DNAAF1: variants seen among roughly 807,000 people sequenced by gnomAD.
DNAAF1 encodes the protein dynein assembly factor 1, axonemal.
In DNAAF1, 65 loss-of-function variants were observed where a neutral mutation model predicts 71.1. That is an observed-to-expected ratio of 0.91 (90% CI 0.75 to 1.12). The LOEUF is 1.12. Among genes scored for constraint, DNAAF1 ranks in the 50% most tolerant of loss-of-function variants. The pLI is 0.00. For missense variants in DNAAF1, 1,178 were observed against 899.8 expected (o/e 1.31, Z -3.96); for synonymous variants, 414 against 354.6 (o/e 1.17, Z -1.88).
At chr16:84,159,040 A>G (rs536137626) in intron 5 of DNAAF1, 24 of 988,112 alleles carry the variant, frequency 2.4e-5, no homozygotes, top group South Asian at 4.7e-5. Context: ...CCCACTAAGC[A>G]TTAAACTTCT....
chr16:84,164,108 A>G (rs982607855), intron 6 of DNAAF1, among the ~76,000 whole-genome samples: 2 of 152,138 alleles, frequency 1.3e-5, no homozygotes, highest in Admixed American at 6.6e-5. Context: ...TCTGGCCTAG[A>G]CTTTATTTTC....
chr16:84,152,214 G>T (rs561749646), intron 3 of DNAAF1, among the ~76,000 whole-genome samples: 2 of 152,184 alleles, frequency 1.3e-5, no homozygotes, highest in Admixed American at 1.3e-4. Context: ...AACAGCAAAG[G>T]GGGAGGAGAT....
At position 84,161,849 on chromosome 16, in the gene DNAAF1, G is replaced by C. The variant is rs577571562; in HGVS notation, c.863+2053G>C. Among the ~76,000 whole-genome samples, 3 of 152,044 alleles carry C rather than the reference G, an allele frequency of 2.0e-5. No individual in the cohort carries two copies. In the South Asian group the frequency reaches 6.2e-4, roughly 32 times the overall value. ...TTCGGCCTGATTTGATTTCCTTTTA[G>C]GACACATGAGTCTCTGACATATACT... On this transcript the variant is annotated intron_variant, in intron 6 of 11. Transcript: ENST00000378553.
At chr16:84,167,360 G>T (rs2088072347) in intron 7 of DNAAF1, among the ~76,000 whole-genome samples, 1 of 152,090 alleles carries the variant, frequency 6.6e-6, no homozygotes, top group Non-Finnish European at 1.5e-5. Context: ...CAGTTTAGGG[G>T]GTTTTCCAGA....
At chr16:84,169,717 A>C (rs1471788038) in intron 7 of DNAAF1, 142 bp from the exon 8 acceptor site, 4 of 1,224,634 alleles carry the variant, frequency 3.3e-6, no homozygotes, top group Non-Finnish European at 4.7e-6. Flanking sequence ...CACCGCGCCC[A>C]GCCCCTTGAG....
chr16:84,159,867 T>C (rs1567548096), intron 6 of DNAAF1, 71 bp downstream of exon 6: 3 of 1,570,552 alleles, frequency 1.9e-6, no homozygotes, highest in Admixed American at 1.7e-5. Context: ...TTAAACTTTT[T>C]AAATTTCTGA....
chr16:84,176,081 C>T lies in DNAAF1; in HGVS notation c.1847C>T (p.Ala616Val), dbSNP rs374900685. The T allele has an allele frequency of 3.4e-5, 55 of 1,614,044 alleles. No individual in the cohort carries two copies. The South Asian group carries it at 4.2e-4, about 12-fold the overall frequency. The change falls in exon 11 of 12, where the codon GCG (alanine) becomes GTG (valine). Residue 616 changes from alanine to valine, a missense_variant. Transcript: ENST00000378553. ...IFAVSKDTSK[A>V]ARVPFTDIFK... ...GCAGTCTCTAAAGACACCTCAAAGG[C>T]GGCTCGGGTGCCCTTCACAGACATC...
intron 2 of DNAAF1, among the ~76,000 whole-genome samples, chr16:84,149,754 G>T (rs917077140): frequency 6.6e-6 from 1 of 151,182 alleles, no homozygotes; most frequent in Non-Finnish European, 1.5e-5. Context: ...GCCAAGCGTG[G>T]TGGCCCTTGC....
chr16:84,155,747 T>G lies in DNAAF1; in HGVS notation c.739T>G (p.Leu247Val). 6.2e-7 allele frequency: 1 copy of G among 1,614,016 alleles called. No individual in the cohort carries two copies. The highest frequency in any genetic ancestry group is 8.5e-7 in the Non-Finnish European group (1 of 1,180,026). ...GAGCATTCTGGAAAGCATGCCCGAT[T>G]TGGTAAAAAACAAAAACAAAAACAA... is the stretch of plus-strand genomic sequence containing the variant. ...ILSILESMPD[L>V]RVLNLMGNPV... Residue 247 changes from leucine to valine, a missense_variant and splice_region_variant, in exon 5 of 12, where the codon TTG becomes GTG. Leu to Val is a conservative substitution (Grantham distance 32). Coordinates refer to ENST00000378553, the MANE Select transcript of DNAAF1 (RefSeq NM_178452.6).
chr16:84,148,305 G>A (rs961006017), intron 1 of DNAAF1, among the ~76,000 whole-genome samples: 7 of 151,772 alleles, frequency 4.6e-5, no homozygotes, highest in Non-Finnish European at 8.8e-5. Flanking sequence ...CTCCATATAC[G>A]TTTCTGAGAA....
chr16:84,158,581 G>C (rs952758391), intron 5 of DNAAF1, among the ~76,000 whole-genome samples: 6 of 152,178 alleles, frequency 3.9e-5, no homozygotes, highest in African/African-American at 1.4e-4. Flanking sequence ...GTTGCTTTAT[G>C]TTAATAGTTG....
chr16:84,166,037 ATTTTTTT>A (rs58906103), intron 7 of DNAAF1, 88 bp downstream of exon 7: 89 of 1,084,222 alleles, frequency 8.2e-5, no homozygotes, highest in African/African-American at 4.5e-4. Context: ...AATCTTGGGA[ATTTTTTT>A]TTTTTTTTTT....
rs1283788933 is a variant in DNAAF1 at position 84,159,004 on chromosome 16, T to A, written c.742-671T>A. 20 of 986,388 alleles carry A rather than the reference T, an allele frequency of 2.0e-5. No homozygotes were observed. In the African/African-American group the frequency reaches 3.1e-4, roughly 15 times the overall value. The allele number at this position is 986,388 out of a possible 1,614,324, so 61.1% of individuals were successfully genotyped here. ...CCTCAGCCTCCCAAAGTGCTGAGAT[T>A]ACAGGAGTGAGCCACCATGCCCAGC... On this transcript the variant is annotated intron_variant, in intron 5 of 11. Transcript: ENST00000378553.
chr16:84,171,568 A>AC (rs2088347923), intron 8 of DNAAF1, among the ~76,000 whole-genome samples: 3 of 152,114 alleles, frequency 2.0e-5, no homozygotes, highest in African/African-American at 7.2e-5. Flanking sequence ...ACAAGCTCTG[A>AC]CCCTGGTGCA....
chr16:84,148,831 C>T (rs189982571), intron 1 of DNAAF1, among the ~76,000 whole-genome samples, 176 bp from the exon 2 acceptor site: 20 of 151,654 alleles, frequency 1.3e-4, no homozygotes, highest in African/African-American at 4.4e-4. Context: ...CTCGAGCAAT[C>T]TACCTGCCTC....
intron 8 of DNAAF1, 33 bp downstream of exon 8, chr16:84,170,389 C>A: frequency 6.2e-7 from 1 of 1,613,104 alleles, no homozygotes; most frequent in South Asian, 1.1e-5. Context: ...CACAGACACA[C>A]ACACCTCTCA....
chr16:84,146,375 G>T (rs894655174), intron 1 of DNAAF1, among the ~76,000 whole-genome samples: 5 of 152,054 alleles, frequency 3.3e-5, no homozygotes, highest in Admixed American at 2.0e-4. Context: ...TTGGTTCTGG[G>T]GTCAGTGTGT....
intron 5 of DNAAF1, 139 bp from the exon 6 acceptor site, chr16:84,159,536 A>C (rs77761071): frequency 5.8e-6 from 7 of 1,196,604 alleles, no homozygotes; most frequent in Middle Eastern, 2.3e-4. Context: ...TCTCCCATCA[A>C]GTCACCAGGA....
intron 3 of DNAAF1, among the ~76,000 whole-genome samples, chr16:84,152,379 G>A (rs143303480): frequency 0.02 from 3,011 of 152,310 alleles, 68 homozygotes; most frequent in Non-Finnish European, 0.022. Flanking sequence ...AAGGCCAGGC[G>A]TGGTGGCTCA....
Sources: gnomAD v4.1 joint callset for allele counts (sites outside exome capture counted in the v4.1 genomes callset) on GRCh38, gnomAD v4.1.1 for gene constraint, MANE v1.5 for transcripts, NCBI Gene and HGNC (gene_info 2026-07-23, HGNC 2026-07-21) for gene names.